UST: variants seen among roughly 807,000 people sequenced by gnomAD.
UST encodes chondroitin sulfate 2-O-sulfotransferase.
UST carries 21 observed loss-of-function variants against 45.6 expected under a neutral mutation model. The observed-to-expected ratio is 0.46, with a 90% CI of 0.33 to 0.66. The LOEUF (loss-of-function observed/expected upper bound fraction) is 0.66, where lower values mean the gene tolerates loss of function less well. UST is among the 30% of genes least tolerant of loss of function. The probability of loss-of-function intolerance (pLI) is 0.02; values close to 1 mark genes in which losing one functional copy is unlikely to be tolerated. For synonymous variants in UST, 215 were observed against 200.6 expected, an observed-to-expected ratio of 1.07 and a Z score of -0.61; for missense variants, 463 against 512.4, an observed-to-expected ratio of 0.90 and a Z score of 0.93.
At chr6:149,001,666 G>T (rs1042606587) in intron 5 of UST, among the ~76,000 whole-genome samples, 2 of 152,136 alleles carry the variant, frequency 1.3e-5, no homozygotes, top group African/African-American at 4.8e-5. Context: ...GACACAGAGA[G>T]TTTCCTACTT....
chr6:148,806,063 G>C (rs1777139140), intron 1 of UST, among the ~76,000 whole-genome samples: 2 of 146,422 alleles, frequency 1.4e-5, no homozygotes, highest in South Asian at 4.6e-4. Flanking sequence ...TATACATTTT[G>C]AGAAATCAAA....
At chr6:148,784,680 A>G (rs1776705595) in intron 1 of UST, among the ~76,000 whole-genome samples, 1 of 152,262 alleles carries the variant, frequency 6.6e-6, no homozygotes, top group African/African-American at 2.4e-5. Context: ...CTGAAAGCAC[A>G]GTGCCTGCGA....
intron 7 of UST, among the ~76,000 whole-genome samples, chr6:149,048,508 C>G (rs1252495811): frequency 1.4e-5 from 2 of 146,930 alleles, no homozygotes; most frequent in Non-Finnish European, 3.0e-5. Context: ...TGCATTCCAG[C>G]CTGGGCAATA....
intron 2 of UST, among the ~76,000 whole-genome samples, chr6:148,906,997 C>A (rs1779376082): frequency 6.6e-6 from 1 of 152,010 alleles, no homozygotes; most frequent in African/African-American, 2.4e-5. Flanking sequence ...ACTGATGTTG[C>A]CATTTCAAGT....
chr6:148,862,194 A>C (rs1177942458), intron 1 of UST, among the ~76,000 whole-genome samples: 1 of 152,192 alleles, frequency 6.6e-6, no homozygotes, highest in Non-Finnish European at 1.5e-5. Context: ...TATTGGGTGC[A>C]TATATATTTA....
chr6:149,042,597 G>A (rs914981637), intron 7 of UST, among the ~76,000 whole-genome samples: 4 of 152,196 alleles, frequency 2.6e-5, no homozygotes, highest in East Asian at 1.9e-4. Context: ...GTCATTCATG[G>A]TGGATGTCCA....
At chr6:148,788,630 C>A (rs578071446) in intron 1 of UST, among the ~76,000 whole-genome samples, 1 of 152,032 alleles carries the variant, frequency 6.6e-6, no homozygotes, top group South Asian at 2.1e-4. Context: ...AAAAAATGAT[C>A]CAAAATGTTG....
At chr6:148,808,086 C>A (rs765017322) in intron 1 of UST, among the ~76,000 whole-genome samples, 8 of 152,116 alleles carry the variant, frequency 5.3e-5, no homozygotes, top group Non-Finnish European at 8.8e-5. Context: ...ATGGCTAAGA[C>A]ATCCAAGGAC....
At chr6:148,827,806 G>A (rs184858471) in intron 1 of UST, among the ~76,000 whole-genome samples, 1 of 150,786 alleles carries the variant, frequency 6.6e-6, no homozygotes, top group East Asian at 2.0e-4. Context: ...AGAAAAACTT[G>A]ACATGATATT....
chr6:148,780,292 T>C (rs77139823), intron 1 of UST, among the ~76,000 whole-genome samples: 20,666 of 152,126 alleles, frequency 0.14, 1,576 homozygotes, highest in Non-Finnish European at 0.17. Flanking sequence ...TTTTTAAAAC[T>C]TTTATTTTAG....
At chr6:148,877,222 A>ATCGTTTGTGGGTGCGGGGGG (rs1778681684) in intron 1 of UST, among the ~76,000 whole-genome samples, 1 of 4,230 alleles carries the variant, frequency 2.4e-4, no homozygotes, top group African/African-American at 1.3e-3. Context: ...GGGTGGGGGG[A>ATCGTTTGTGGGTGCGGGGGG]TCGTGTGTGG....
At chr6:149,065,775 T>C (rs1776721729) in intron 7 of UST, among the ~76,000 whole-genome samples, 1 of 152,194 alleles carries the variant, frequency 6.6e-6, no homozygotes, top group Admixed American at 6.5e-5. Flanking sequence ...TGAATCTGAG[T>C]CTCTGTTTCT....
intron 2 of UST, among the ~76,000 whole-genome samples, chr6:148,923,836 G>T (rs564476867): frequency 1.3e-5 from 2 of 152,192 alleles, no homozygotes; most frequent in Admixed American, 1.3e-4. Context: ...GTAGTTGGTC[G>T]CTTGGAAGCC....
At position 148,776,601 on chromosome 6, in the gene UST, C is replaced by A. The variant is rs544500044; in HGVS notation, c.247+28924C>A. On this transcript the variant is annotated intron_variant, in intron 1 of 7. Transcript: ENST00000367463. ...AATTGTAGTAAAACATACTGTAAGG[C>A]CTTACTTATCTGGAATAGCATGGAA... Among the ~76,000 whole-genome samples, 6 of 152,204 alleles carry A rather than the reference C, an allele frequency of 3.9e-5. No individual in the cohort carries two copies. The East Asian group carries it at 7.7e-4, about 20-fold the overall frequency.
chr6:148,992,271 G>A (rs545852411), intron 5 of UST, among the ~76,000 whole-genome samples: 3 of 152,240 alleles, frequency 2.0e-5, no homozygotes, highest in East Asian at 1.9e-4. Context: ...TTGAGAGGCC[G>A]AGGCGGGCAG....
rs113041652 is a variant in UST, at chr6:148,887,116, C to T, written c.291+87C>T. The T allele has an allele frequency of 1.4e-3, 1,396 of 1,004,386 alleles. 18 individuals carry two copies. In the African/African-American group the frequency reaches 0.02, roughly 14 times the overall value. 62.2% of individuals were successfully genotyped at this position (1,004,386 alleles called of 1,614,324 possible). A position where few individuals can be genotyped will look rare whatever the true frequency, so the allele number is the denominator to read the frequency against. Reference sequence around the variant, plus strand: ...AAGCAGAACAGATCTCTCCTGGACACGAATCATTCACAAGAAACAGTAGAT... The same window carrying T: ...AAGCAGAACAGATCTCTCCTGGACATGAATCATTCACAAGAAACAGTAGAT... On this transcript the variant is annotated intron_variant, in intron 2 of 7. Coordinates refer to ENST00000367463, the MANE Select transcript of UST (RefSeq NM_005715.3).
At chr6:148,926,294 C>T (rs183195946) in intron 2 of UST, among the ~76,000 whole-genome samples, 1 of 152,196 alleles carries the variant, frequency 6.6e-6, no homozygotes, top group East Asian at 1.9e-4. Context: ...GAGGATAATA[C>T]CTGTAGCCAT....
At chr6:148,915,351 T>G (rs1488370274) in intron 2 of UST, among the ~76,000 whole-genome samples, 1 of 152,204 alleles carries the variant, frequency 6.6e-6, no homozygotes, top group Non-Finnish European at 1.5e-5. Flanking sequence ...TCTTCCATGC[T>G]TAAGATTGCC....
chr6:148,818,344 A>G (rs1777394518), intron 1 of UST, among the ~76,000 whole-genome samples: 1 of 152,204 alleles, frequency 6.6e-6, no homozygotes, highest in Admixed American at 6.5e-5. Flanking sequence ...ATGTGTACAC[A>G]CGACTTGTTC....
Sources: gnomAD v4.1 joint callset for allele counts (sites outside exome capture counted in the v4.1 genomes callset) on GRCh38, gnomAD v4.1.1 for gene constraint, MANE v1.5 for transcripts, NCBI Gene and HGNC (gene_info 2026-07-23, HGNC 2026-07-21) for gene names.